The following EOGT variants were observed in gnomAD, a reference collection of about 807,000 sequenced individuals.
EOGT encodes the protein EGF domain-specific O-linked N-acetylglucosamine transferase.
In EOGT, 55 loss-of-function variants were observed where a neutral mutation model predicts 70.5. That is an observed-to-expected ratio of 0.78 (90% CI 0.63 to 0.98). EOGT has a LOEUF of 0.98. Ranked by LOEUF, EOGT falls within the 50% of genes least tolerant of loss-of-function variation. The pLI is 0.00. For missense variants in EOGT, 703 were observed against 641.9 expected (o/e 1.10, Z -1.03); for synonymous variants, 246 against 217.1 (o/e 1.13, Z -1.17).
At chr3:68,982,973 G>A in intron 14 of EOGT, 101 bp from the exon 15 acceptor site, 1 of 588,002 alleles carries the variant, frequency 1.7e-6, no homozygotes, top group Non-Finnish European at 2.9e-6. Context: ...TACTATTTCA[G>A]ATATTAAATA....
intron 9 of EOGT, among the ~76,000 whole-genome samples, chr3:68,998,835 T>TAA (rs5849871): frequency 0.43 from 47,527 of 109,306 alleles, 10,247 homozygotes; most frequent in Non-Finnish European, 0.53. Flanking sequence ...AGACTCTGTC[T>TAA]AAAAAAAAAA....
chr3:69,000,985 T>A (rs1033285828), intron 9 of EOGT, among the ~76,000 whole-genome samples: 2 of 149,318 alleles, frequency 1.3e-5, no homozygotes, highest in African/African-American at 4.9e-5. Context: ...TAAGACGGAG[T>A]CTTGCTCTGT....
chr3:68,998,190 T>C (rs536954239), intron 9 of EOGT, 76 bp from the exon 10 acceptor site: 2 of 779,468 alleles, frequency 2.6e-6, no homozygotes, highest in South Asian at 3.3e-5. Flanking sequence ...CTATCCCATC[T>C]ATTTACAGTT....
At position 69,008,450 on chromosome 3, in the gene EOGT, A is replaced by T; in HGVS notation, c.289T>A (p.Cys97Ser). ...TACCATCCCATGTCGACATAGCTGCAAACTGGGTAACCAAACCTGAACTCT... is the reference window on the plus strand; with the variant it reads ...TACCATCCCATGTCGACATAGCTGCTAACTGGGTAACCAAACCTGAACTCT... ...KPEFRFGYPV[C>S]SYVDMGWTDT... is the part of the protein sequence containing the mutation. The change falls in exon 5 of 18, where the codon TGC becomes AGC. Residue 97 changes from cysteine (C) to serine (S), a missense_variant. Transcript: ENST00000383701. The T allele has an allele frequency of 6.2e-7, 1 of 1,614,102 alleles. No individual in the cohort carries two copies. The highest frequency in any genetic ancestry group is 8.5e-7 in the Non-Finnish European group (1 of 1,179,946).
intron 8 of EOGT, among the ~76,000 whole-genome samples, chr3:69,003,851 T>A (rs1449481096): frequency 6.6e-6 from 1 of 152,198 alleles, no homozygotes; most frequent in Non-Finnish European, 1.5e-5. Flanking sequence ...TTTTTCTGTA[T>A]GCTTTTACAT....
Position 68,977,759 on chromosome 3 carries a change from G to A in EOGT, c.1443C>T (p.His481=). The change falls in exon 18 of 18, where the codon CAC becomes CAT. Residue 481 remains histidine (H), a synonymous_variant. Coordinates refer to ENST00000383701, the MANE Select transcript of EOGT (RefSeq NM_001278689.2). The part of the protein sequence containing the change: ...QNKVFPQDKG[H]HPTLGEHPKF... Reference sequence around the variant, plus strand: ...TCGGGTGCTCCCCCAGGGTTGGATGGTGGCCCTGTGAAAATAAACCAAAAC... The same window carrying A: ...TCGGGTGCTCCCCCAGGGTTGGATGATGGCCCTGTGAAAATAAACCAAAAC... 2.5e-6 allele frequency: 4 copies of A among 1,609,320 alleles called. No individual in the cohort carries two copies.
chr3:69,007,763 C>A lies in EOGT; in HGVS notation c.370G>T (p.Ala124Ser), dbSNP rs1189403763. 1.2e-6 allele frequency: 2 copies of A among 1,613,258 alleles called. No homozygotes were observed. Among genetic ancestry groups the A allele is most frequent in the African/African-American group, 2.7e-5 (2 of 74,866 alleles). ...TGCATCTCCTCCAGCCTCTCTCTGGCATATCCAAAGTCAGCTTGTTTCCAA... is the reference window on the plus strand; with the variant it reads ...TGCATCTCCTCCAGCCTCTCTCTGGAATATCCAAAGTCAGCTTGTTTCCAA... ...IFWKQADFGYARERLEEMHVL... is the reference protein window; with the variant it reads ...IFWKQADFGYSRERLEEMHVL... Residue 124 changes from alanine to serine, a missense_variant, in exon 6 of 18, where the codon GCC becomes TCC. Ala to Ser is a moderately conservative substitution (Grantham distance 99). Coordinates refer to ENST00000383701, the MANE Select transcript of EOGT (RefSeq NM_001278689.2).
chr3:68,999,923 C>T (rs781575052), intron 9 of EOGT, among the ~76,000 whole-genome samples: 1 of 152,132 alleles, frequency 6.6e-6, no homozygotes, highest in Non-Finnish European at 1.5e-5. Context: ...TACAAGTTAA[C>T]ATGAAAAGGA....
chr3:68,984,227 T>TCACACA (rs375056353), intron 14 of EOGT, among the ~76,000 whole-genome samples: 2 of 148,944 alleles, frequency 1.3e-5, no homozygotes, highest in Non-Finnish European at 3.0e-5. Flanking sequence ...TCTCTCACAC[T>TCACACA]CACACACACA....
intron 10 of EOGT, among the ~76,000 whole-genome samples, chr3:68,990,323 T>C (rs181345960): frequency 4.0e-5 from 6 of 151,714 alleles, no homozygotes; most frequent in South Asian, 2.1e-4. Context: ...CAGGAATTAG[T>C]TCTTTCCAGT....
intron 14 of EOGT, among the ~76,000 whole-genome samples, chr3:68,983,934 G>C (rs1232175050): frequency 6.6e-6 from 1 of 152,202 alleles, no homozygotes; most frequent in African/African-American, 2.4e-5. Context: ...CTGCACTCCA[G>C]CCTGGGCAAC....
intron 10 of EOGT, among the ~76,000 whole-genome samples, chr3:68,989,793 T>G (rs1251249633): frequency 6.8e-6 from 1 of 146,392 alleles, no homozygotes; most frequent in East Asian, 2.0e-4. Context: ...ATTAAAAATA[T>G]AGGCTGGTCA....
At chr3:69,004,839 G>A (rs945972142) in intron 7 of EOGT, among the ~76,000 whole-genome samples, 2 of 152,102 alleles carry the variant, frequency 1.3e-5, no homozygotes, top group African/African-American at 4.8e-5. Flanking sequence ...TGAGGTGAGA[G>A]GATCACCTGA....
chr3:68,987,374 A>G (rs1575725931), intron 14 of EOGT, 71 bp downstream of exon 14: 1 of 240,082 alleles, frequency 4.2e-6, no homozygotes, highest in African/African-American at 6.9e-5. Context: ...ACGTAATGTG[A>G]AAAAAAAAAA....
intron 14 of EOGT, among the ~76,000 whole-genome samples, chr3:68,985,477 T>C (rs1050383497): frequency 3.3e-5 from 5 of 152,208 alleles, no homozygotes; most frequent in African/African-American, 1.2e-4. Context: ...AACTTTCCTC[T>C]TACTGAATAT....
chr3:69,007,795 T>C lies in EOGT; in HGVS notation c.338A>G (p.Asp113Gly). 6.2e-7 allele frequency: 1 copy of C among 1,612,694 alleles called. No homozygotes were observed. The highest frequency in any genetic ancestry group is 8.5e-7 in the Non-Finnish European group (1 of 1,179,088). ...GWTDTLESAEDIFWKQADFGY... is the reference protein window; with the variant it reads ...GWTDTLESAEGIFWKQADFGY... Reference sequence around the variant, plus strand: ...AAAGTCAGCTTGTTTCCAAAATATGTCCTCAGCTGACTCAAGAGTGTCCGT... The same window carrying C: ...AAAGTCAGCTTGTTTCCAAAATATGCCCTCAGCTGACTCAAGAGTGTCCGT... Residue 113 changes from aspartate to glycine, a missense_variant, in exon 6 of 18, where the codon GAC (aspartate) becomes GGC (glycine). Asp to Gly is a moderately conservative substitution (Grantham distance 94, BLOSUM62 -1). Transcript: ENST00000383701.
chr3:68,977,736 G>C lies in EOGT; in HGVS notation c.1466C>G (p.Pro489Arg), dbSNP rs199832969. 2 of 1,613,232 alleles carry C rather than the reference G, an allele frequency of 1.2e-6. No individual in the cohort carries two copies. The highest frequency in any genetic ancestry group is 1.7e-6 in the Non-Finnish European group (2 of 1,179,656). ...ATCGAAAGAGTAGTTGGTGAACTTC[G>C]GGTGCTCCCCCAGGGTTGGATGGTG... ...KGHHPTLGEH[P>R]KFTNYSFDVE... The change falls in exon 18 of 18, where the codon CCG (proline) becomes CGG (arginine). Residue 489 changes from proline to arginine, a missense_variant. By Grantham distance (103) the Pro-to-Arg change is moderately radical. Transcript: ENST00000383701.
chr3:68,989,814 T>C (rs1203824567), intron 10 of EOGT, among the ~76,000 whole-genome samples: 1 of 150,004 alleles, frequency 6.7e-6, no homozygotes, highest in African/African-American at 2.5e-5. Flanking sequence ...CAGTGGCTCA[T>C]GCTTGTAATT....
intron 8 of EOGT, among the ~76,000 whole-genome samples, chr3:69,002,030 A>C (rs528401588): frequency 6.6e-6 from 1 of 152,316 alleles, no homozygotes; most frequent in African/African-American, 2.4e-5. Flanking sequence ...TCTCTACTAA[A>C]AATACAAAAA....
Sources: gnomAD v4.1 joint callset for allele counts (sites outside exome capture counted in the v4.1 genomes callset) on GRCh38, gnomAD v4.1.1 for gene constraint, MANE v1.5 for transcripts, NCBI Gene and HGNC (gene_info 2026-07-23, HGNC 2026-07-21) for gene names.